UNC13C: variants seen among roughly 807,000 people sequenced by gnomAD.
UNC13C encodes unc-13 homolog C.
A neutral mutation model predicts 245.4 loss-of-function variants in UNC13C; 174 were observed. The ratio of observed to expected loss-of-function variants is 0.71; its 90% CI spans 0.63 to 0.80. The LOEUF (loss-of-function observed/expected upper bound fraction) is 0.80, where lower values mean the gene tolerates loss of function less well. UNC13C is among the 30% of genes least tolerant of loss of function. The pLI is 0.00. For synonymous variants in UNC13C, 992 were observed against 895.1 expected (o/e 1.11, Z -1.93); for missense variants, 2,829 against 2,602.9 (o/e 1.09, Z -1.89).
intron 26 of UNC13C, among the ~76,000 whole-genome samples, chr15:54,534,362 A>G (rs540355191): frequency 6.6e-6 from 1 of 152,308 alleles, no homozygotes; most frequent in African/African-American, 2.4e-5. Flanking sequence ...CTTTGACTGA[A>G]CCCAATATAT....
chr15:53,999,296 T>C (rs1261278126), intron 1 of UNC13C, among the ~76,000 whole-genome samples: 2 of 151,790 alleles, frequency 1.3e-5, no homozygotes, highest in Non-Finnish European at 2.9e-5. Flanking sequence ...TATTCTCTCA[T>C]ACATATAAAA....
the UNC13C span, among the ~76,000 whole-genome samples, chr15:53,841,917 T>C: frequency 1.3e-5 from 2 of 152,204 alleles, no homozygotes; most frequent in African/African-American, 4.8e-5. Flanking sequence ...AACTGTAGAC[T>C]CTTGCTTTAG....
intron 10 of UNC13C, among the ~76,000 whole-genome samples, chr15:54,288,682 T>A (rs988478499): frequency 1.3e-5 from 2 of 152,074 alleles, no homozygotes; most frequent in African/African-American, 2.4e-5. Context: ...ATGAGTGTAC[T>A]TATAGCGTCT....
At chr15:54,151,916 C>T (rs77045132) in intron 4 of UNC13C, among the ~76,000 whole-genome samples, 6,494 of 152,284 alleles carry the variant, frequency 0.043, 189 homozygotes, top group Middle Eastern at 0.088. Flanking sequence ...GATAAAAACA[C>T]ACTCAATAGG....
At chr15:54,225,027 CTTTT>C (rs60180489) in intron 4 of UNC13C, among the ~76,000 whole-genome samples, 2 of 138,348 alleles carry the variant, frequency 1.4e-5, no homozygotes, top group East Asian at 4.2e-4. Flanking sequence ...CTTGTGTCTT[CTTTT>C]TTTTTTTTTC....
chr15:54,591,235 G>A (rs1898771458), intron 30 of UNC13C, among the ~76,000 whole-genome samples: 1 of 152,120 alleles, frequency 6.6e-6, no homozygotes, highest in Non-Finnish European at 1.5e-5. Context: ...ATTCATCAAG[G>A]ATATAGGTCT....
intron 18 of UNC13C, among the ~76,000 whole-genome samples, chr15:54,409,792 A>T (rs1391288282): frequency 6.6e-6 from 1 of 152,070 alleles, no homozygotes; most frequent in African/African-American, 2.4e-5. Flanking sequence ...ATGGGCTTCT[A>T]GGTTGAATTC....
intron 30 of UNC13C, among the ~76,000 whole-genome samples, chr15:54,569,007 T>G (rs569639770): frequency 6.6e-6 from 1 of 152,310 alleles, no homozygotes; most frequent in East Asian, 1.9e-4. Flanking sequence ...TCATGAGAGA[T>G]TGTCAAGAGA....
At chr15:54,315,508 G>A (rs1437085309) in intron 13 of UNC13C, among the ~76,000 whole-genome samples, 1 of 150,550 alleles carries the variant, frequency 6.6e-6, no homozygotes, top group Non-Finnish European at 1.5e-5. Flanking sequence ...TTTTCTTCTT[G>A]TATAATTTCC....
chr15:54,266,200 C>G (rs2036545791), intron 10 of UNC13C, among the ~76,000 whole-genome samples: 1 of 151,880 alleles, frequency 6.6e-6, no homozygotes. Flanking sequence ...TAAATACACC[C>G]AGAACATATA....
chr15:54,140,681 A>C (rs1473885121), intron 2 of UNC13C, among the ~76,000 whole-genome samples: 2 of 152,242 alleles, frequency 1.3e-5, no homozygotes, highest in Non-Finnish European at 2.9e-5. Flanking sequence ...CATAGATTTC[A>C]AAGAACATGG....
chr15:54,172,146 T>C (rs555074715), intron 4 of UNC13C, among the ~76,000 whole-genome samples: 8 of 152,024 alleles, frequency 5.3e-5, no homozygotes, highest in African/African-American at 1.9e-4. Context: ...GGTTAATGAA[T>C]ACAAAAATAG....
intron 10 of UNC13C, among the ~76,000 whole-genome samples, chr15:54,289,318 A>G (rs1421785077): frequency 2.0e-5 from 3 of 152,006 alleles, no homozygotes; most frequent in Non-Finnish European, 4.4e-5. Flanking sequence ...TCTGAATTTT[A>G]TTTCCCACCA....
intron 29 of UNC13C, among the ~76,000 whole-genome samples, chr15:54,558,286 T>C (rs555715078): frequency 2.3e-4 from 35 of 152,144 alleles, no homozygotes; most frequent in African/African-American, 8.4e-4. Flanking sequence ...CCTTTGATAA[T>C]AGAGAAAATT....
At chr15:54,601,488 A>G (rs892599804) in intron 30 of UNC13C, among the ~76,000 whole-genome samples, 1 of 152,208 alleles carries the variant, frequency 6.6e-6, no homozygotes, top group Non-Finnish European at 1.5e-5. Flanking sequence ...TTACCAATAC[A>G]CAGAAGAAAA....
intron 19 of UNC13C, among the ~76,000 whole-genome samples, chr15:54,452,653 T>C (rs1891243563): frequency 6.6e-6 from 1 of 152,146 alleles, no homozygotes; most frequent in Non-Finnish European, 1.5e-5. Flanking sequence ...AGAGGTTGGC[T>C]GTGGTCAGAC....
At chr15:54,176,814 T>C (rs1275968800) in intron 4 of UNC13C, among the ~76,000 whole-genome samples, 1 of 152,172 alleles carries the variant, frequency 6.6e-6, no homozygotes, top group East Asian at 1.9e-4. Context: ...TTATAATTTC[T>C]GCCTTGCTCT....
rs554932906 is a variant in UNC13C at position 54,009,578 on chromosome 15, C to T, written c.-256-3070C>T. ...TTTTTTTTTTGTTGAGATGAAATCT[C>T]GCTTTGTCACCAGGCTGGAGTGCAG... On this transcript the variant is annotated intron_variant, in intron 1 of 32. Coordinates refer to ENST00000260323, the MANE Select transcript of UNC13C (RefSeq NM_001080534.3). 4.1e-5 allele frequency among the ~76,000 whole-genome samples: 6 copies of T among 146,326 alleles called. No individual in the cohort carries two copies. The East Asian group carries it at 8.0e-4, about 19-fold the overall frequency.
intron 11 of UNC13C, among the ~76,000 whole-genome samples, 171 bp downstream of exon 11, chr15:54,294,235 C>G (rs74015136): frequency 0.017 from 2,549 of 151,952 alleles, 81 homozygotes; most frequent in African/African-American, 0.06. Context: ...TTTTTCAATA[C>G]TGTTGAAAGA....
Sources: gnomAD v4.1 joint callset for allele counts (sites outside exome capture counted in the v4.1 genomes callset) on GRCh38, gnomAD v4.1.1 for gene constraint, MANE v1.5 for transcripts, NCBI Gene and HGNC (gene_info 2026-07-23, HGNC 2026-07-21) for gene names.